PDE1A: variants seen among roughly 807,000 people sequenced by gnomAD.
The protein encoded by PDE1A is phosphodiesterase 1A.
A neutral mutation model predicts 61.7 loss-of-function variants in PDE1A; 35 were observed. The ratio of observed to expected loss-of-function variants is 0.57; its 90% confidence interval spans 0.43 to 0.75. PDE1A has a LOEUF of 0.75. PDE1A is among the 30% of genes least tolerant of loss of function. PDE1A has a pLI of 0.00. For synonymous variants in PDE1A, 232 were observed against 213.2 expected (o/e 1.09, Z -0.77); for missense variants, 597 against 630.6 (o/e 0.95, Z 0.57).
At chr2:182,630,877 C>T in the PDE1A span, among the ~76,000 whole-genome samples, 1 of 152,018 alleles carries the variant, frequency 6.6e-6, no homozygotes, top group Non-Finnish European at 1.5e-5. Flanking sequence ...TCCTTCTTTC[C>T]CTTCCATTTT....
At chr2:182,147,447 A>G (rs1336033138) in intron 13 of PDE1A, among the ~76,000 whole-genome samples, 1 of 152,222 alleles carries the variant, frequency 6.6e-6, no homozygotes, top group African/African-American at 2.4e-5. Context: ...CATGTAAAAA[A>G]TCATGTTTTT....
At chr2:182,147,255 A>G in intron 13 of PDE1A, 103 bp from the exon 14 acceptor site, 1 of 582,394 alleles carries the variant, frequency 1.7e-6, no homozygotes, top group East Asian at 3.0e-5. Flanking sequence ...TTGAAGACTG[A>G]ATTTTACAAT....
At chr2:182,184,873 T>C (rs1449243910) in intron 13 of PDE1A, among the ~76,000 whole-genome samples, 4 of 152,104 alleles carry the variant, frequency 2.6e-5, no homozygotes, top group Admixed American at 2.6e-4. Context: ...CCTTCAGGAG[T>C]GTCTTGAGTA....
chr2:182,330,302 C>T (rs1432464201), intron 1 of PDE1A, among the ~76,000 whole-genome samples: 1 of 150,984 alleles, frequency 6.6e-6, no homozygotes, highest in Non-Finnish European at 1.5e-5. Context: ...CAAGATCATG[C>T]CATTTCACTC....
chr2:182,317,415 C>T (rs1227479185), intron 1 of PDE1A, among the ~76,000 whole-genome samples: 1 of 152,098 alleles, frequency 6.6e-6, no homozygotes, highest in Admixed American at 6.6e-5. Context: ...ACCTACTATG[C>T]ACCAAGTATT....
chr2:182,347,770 A>G (rs833170), intron 1 of PDE1A, among the ~76,000 whole-genome samples: 151,091 of 152,230 alleles, frequency 0.99, 74,988 homozygotes, highest in Middle Eastern at 1. Flanking sequence ...AAAGCCATAG[A>G]AGAGATATAA....
At chr2:182,564,877 T>G in the PDE1A span, among the ~76,000 whole-genome samples, 2 of 152,188 alleles carry the variant, frequency 1.3e-5, no homozygotes, top group East Asian at 1.9e-4. Context: ...CTTCACGTAG[T>G]TCTCGAGCCT....
downstream of PDE1A, among the ~76,000 whole-genome samples, chr2:182,145,080 G>C (rs1288573728): frequency 6.6e-6 from 1 of 152,124 alleles, no homozygotes; most frequent in Non-Finnish European, 1.5e-5. Flanking sequence ...TCATTTAAAA[G>C]ACCTACTTGT....
chr2:182,147,982 G>T (rs1052796981), intron 13 of PDE1A, among the ~76,000 whole-genome samples: 11 of 152,050 alleles, frequency 7.2e-5, no homozygotes, highest in Non-Finnish European at 1.3e-4. Context: ...TTTTGTTGAG[G>T]TTATGTAATT....
intron 2 of PDE1A, among the ~76,000 whole-genome samples, chr2:182,252,008 T>C (rs1691437760): frequency 6.6e-6 from 1 of 151,994 alleles, no homozygotes; most frequent in Non-Finnish European, 1.5e-5. Context: ...GAGGCCAAAA[T>C]AGTAGGGATG....
the PDE1A span, among the ~76,000 whole-genome samples, chr2:182,582,929 T>C: frequency 6.6e-6 from 1 of 152,354 alleles, no homozygotes; most frequent in African/African-American, 2.4e-5. Flanking sequence ...TTTCATGCTA[T>C]ATTAATTGTA....
chr2:182,187,737 C>CTTTTTTTTTTTTTTTTTTT (rs1038970569), intron 11 of PDE1A, among the ~76,000 whole-genome samples: 36 of 66,386 alleles, frequency 5.4e-4, no homozygotes, highest in Admixed American at 6.8e-4. Context: ...TTTTTTTGTT[C>CTTTTTTTTTTTTTTTTTTT]TTTTTTTTTT....
the PDE1A span, among the ~76,000 whole-genome samples, chr2:182,692,791 A>C: frequency 4.6e-5 from 7 of 151,746 alleles, no homozygotes; most frequent in South Asian, 1.5e-3. Context: ...AACCTTTCCT[A>C]GTTCTTACAC....
chr2:182,559,600 C>G, the PDE1A span, among the ~76,000 whole-genome samples: 2,207 of 152,116 alleles, frequency 0.015, 54 homozygotes, highest in African/African-American at 0.05. Context: ...ATAGGTATAC[C>G]CCATGGCCCA....
chr2:182,517,554 T>C (rs1050237186), intron 2 of PDE1A, among the ~76,000 whole-genome samples: 1 of 152,238 alleles, frequency 6.6e-6, no homozygotes, highest in Non-Finnish European at 1.5e-5. Flanking sequence ...GAAGTGAGCA[T>C]AGCTCTTGCA....
chr2:182,225,117 G>A (rs1020634604), intron 6 of PDE1A, among the ~76,000 whole-genome samples: 1 of 149,796 alleles, frequency 6.7e-6, no homozygotes, highest in Non-Finnish European at 1.5e-5. Flanking sequence ...TAGATCTTGG[G>A]AAAAGGCTGG....
At position 182,220,888 on chromosome 2, in the gene PDE1A, A is replaced by C. The variant is rs560798180; in HGVS notation, c.776+2976T>G. ...TGGATGAAGGCAATATTGAGAGTTA[A>C]AAATCATGTTATATTGTTGCATTTT... On this transcript the variant is annotated intron_variant, in intron 7 of 13. Coordinates refer to ENST00000351439, the Ensembl canonical transcript of PDE1A. 1.3e-4 allele frequency among the ~76,000 whole-genome samples: 20 copies of C among 152,180 alleles called. No homozygotes were observed. In the South Asian group the frequency reaches 4.1e-3, roughly 32 times the overall value.
rs960287635 is a variant in PDE1A, at chr2:182,302,102, A to T, written c.54-37688T>A. ...GTGAAGTTAATGGAGGCAACAGTGG[A>T]TATTAATAGTGGTAGGCTGGATTTT... On this transcript the variant is annotated intron_variant, in intron 1 of 13. Coordinates refer to ENST00000351439, the Ensembl canonical transcript of PDE1A. 3.3e-5 allele frequency among the ~76,000 whole-genome samples: 5 copies of T among 152,178 alleles called. No individual in the cohort carries two copies. In the South Asian group the frequency reaches 1.0e-3, roughly 32 times the overall value.
the PDE1A span, among the ~76,000 whole-genome samples, chr2:182,684,123 C>CAAAAA: frequency 3.8e-5 from 2 of 52,068 alleles, no homozygotes; most frequent in Non-Finnish European, 7.7e-5. Flanking sequence ...AACTCCATCT[C>CAAAAA]AAAAAAAAAA....
Sources: allele counts gnomAD v4.1 joint callset (sites outside exome capture counted in the v4.1 genomes callset), GRCh38; gene constraint gnomAD v4.1.1; transcripts MANE v1.5; gene names NCBI Gene and HGNC (gene_info 2026-07-23, HGNC 2026-07-21).